Variants in KMT2C observed in about 807,000 individuals in gnomAD.
KMT2C encodes the protein histone-lysine N-methyltransferase 2C.
Under a neutral mutation model 507.9 loss-of-function variants are expected in KMT2C, and 88 were observed. That is an observed-to-expected ratio of 0.17 (90% CI 0.15 to 0.21). The LOEUF (loss-of-function observed/expected upper bound fraction) is 0.21, where lower values mean the gene tolerates loss of function less well. Ranked by LOEUF, KMT2C falls within the 10% of genes least tolerant of loss-of-function variation. KMT2C has a pLI of 1.00. For synonymous variants in KMT2C, 2,049 were observed against 2,080.8 expected, an observed-to-expected ratio of 0.98 and a Z score of 0.42; for missense variants, 4,954 against 5,957.8, an observed-to-expected ratio of 0.83 and a Z score of 5.55.
chr7:152,366,405 C>T (rs552939205), intron 1 of KMT2C, among the ~76,000 whole-genome samples: 1 of 152,158 alleles, frequency 6.6e-6, no homozygotes, highest in Admixed American at 6.5e-5. Flanking sequence ...ACTATGCAGC[C>T]TTAAAAAGGA....
chr7:152,303,634 AAATGCAGACAG>A (rs1445985379), intron 6 of KMT2C, among the ~76,000 whole-genome samples: 1 of 152,134 alleles, frequency 6.6e-6, no homozygotes, highest in Non-Finnish European at 1.5e-5. Context: ...TCACATACAC[AAATGCAGACAG>A]AATAAAAAAC....
chr7:152,375,746 G>A (rs1280187840), intron 1 of KMT2C, among the ~76,000 whole-genome samples: 1 of 151,998 alleles, frequency 6.6e-6, no homozygotes. Flanking sequence ...TCTGTGTTAC[G>A]TTTTAGTAAT....
At chr7:152,308,306 T>G (rs750112941) in intron 6 of KMT2C, among the ~76,000 whole-genome samples, 37 of 152,188 alleles carry the variant, frequency 2.4e-4, no homozygotes, top group Non-Finnish European at 3.5e-4. Context: ...AAAGCCCATA[T>G]AGTTTCTAAG....
intron 1 of KMT2C, among the ~76,000 whole-genome samples, chr7:152,433,840 AGTGTGCGCGTGCGTGTGAGTGTGCGC>A (rs1325685522): frequency 1.3e-5 from 2 of 152,274 alleles, no homozygotes; most frequent in African/African-American, 2.4e-5. Context: ...GGTGTGTGCG[AGTGTGCGCGTGCGTGTGAGTGTGCGC>A]GTGTGCGCGT....
chr7:152,397,121 GA>G (rs2116585048), intron 1 of KMT2C, among the ~76,000 whole-genome samples: 1 of 151,974 alleles, frequency 6.6e-6, no homozygotes, highest in South Asian at 2.1e-4. Flanking sequence ...CACAAATCTA[GA>G]AGACAATTTT....
Position 152,181,186 on chromosome 7 carries a change from G to T in KMT2C, c.6674C>A (p.Pro2225Gln), listed in dbSNP as rs778818239. The change falls in exon 36 of 59, where the codon CCA (proline) becomes CAA (glutamine). Residue 2225 changes from proline to glutamine, a missense_variant. By Grantham distance (76) the Pro-to-Gln change is moderately conservative. Transcript: ENST00000262189. ...AAAACCCTCTGAAATCCTTGGCCTT[G>T]GTGTTGCTGGTGGCTGAGAGTAAGG... The part of the protein sequence containing the change: ...SVPYSQPPAT[P>Q]RPRISEGFTR... 6 of 1,613,968 alleles carry T rather than the reference G, an allele frequency of 3.7e-6. No individual in the cohort carries two copies. Among genetic ancestry groups the T allele is most frequent in the South Asian group, 1.1e-5 (1 of 91,070 alleles).
chr7:152,360,388 G>C (rs1314023681), intron 1 of KMT2C, among the ~76,000 whole-genome samples: 1 of 151,670 alleles, frequency 6.6e-6, no homozygotes, highest in South Asian at 2.1e-4. Flanking sequence ...TGAGGCAGGA[G>C]AATCGCTTGA....
intron 1 of KMT2C, among the ~76,000 whole-genome samples, chr7:152,435,303 G>A (rs1268551188): frequency 6.6e-6 from 1 of 152,066 alleles, no homozygotes; most frequent in Non-Finnish European, 1.5e-5. Context: ...ATCCAGCTAG[G>A]CCAAGACGCG....
chr7:152,431,736 G>C (rs1369622189), intron 1 of KMT2C, among the ~76,000 whole-genome samples: 2 of 152,060 alleles, frequency 1.3e-5, no homozygotes, highest in African/African-American at 4.8e-5. Flanking sequence ...AAACATTTCA[G>C]TGCCTATTGA....
chr7:152,420,348 T>C (rs1487632205), intron 1 of KMT2C, among the ~76,000 whole-genome samples: 2 of 152,210 alleles, frequency 1.3e-5, no homozygotes, highest in African/African-American at 4.8e-5. Context: ...AGAATTGGGA[T>C]CCTTTGTCAC....
Position 152,150,913 on chromosome 7 carries a change from T to G in KMT2C, c.12761A>C (p.Asn4254Thr), listed in dbSNP as rs2091562128. The G allele has an allele frequency of 6.2e-7, 1 of 1,608,440 alleles. No individual in the cohort carries two copies. The highest frequency in any genetic ancestry group is 8.5e-7 in the Non-Finnish European group (1 of 1,175,288). The part of the protein sequence containing the change: ...ILYSSTAQAK[N>T]SENKESIPSL... Reference sequence around the variant, plus strand: ...TCCTAATCTCACCTTGTTTTCTGAGTTTTTCGCTTGTGCAGTTGATGAATA... The same window carrying G: ...TCCTAATCTCACCTTGTTTTCTGAGGTTTTCGCTTGTGCAGTTGATGAATA... The change falls in exon 51 of 59, where the codon AAC (asparagine) becomes ACC (threonine). Residue 4254 changes from asparagine to threonine, a missense_variant. Asn to Thr is a moderately conservative substitution (Grantham distance 65, BLOSUM62 0). Transcript: ENST00000262189.
chr7:152,399,079 T>G lies in KMT2C; in HGVS notation c.161+36547A>C, dbSNP rs2097555454. On this transcript the variant is annotated intron_variant, in intron 1 of 58. Transcript: ENST00000262189. ...CCTGAGCTCAAGCGATCCACCCACC[T>G]TGGCTTCTCAAAGTGCTGGGATTTC... Among the ~76,000 whole-genome samples, 3 of 152,092 alleles carry G rather than the reference T, an allele frequency of 2.0e-5. No individual in the cohort carries two copies. The South Asian group carries it at 6.2e-4, about 32-fold the overall frequency.
At chr7:152,178,054 TTA>T in intron 37 of KMT2C, 44 bp from the exon 38 acceptor site, 1 of 1,339,814 alleles carries the variant, frequency 7.5e-7, no homozygotes. Context: ...CAAATAGGTA[TTA>T]TGTTAAATTT....
intron 42 of KMT2C, among the ~76,000 whole-genome samples, chr7:152,166,018 T>C (rs1016787014): frequency 1.3e-5 from 2 of 152,088 alleles, no homozygotes; most frequent in Non-Finnish European, 2.9e-5. Flanking sequence ...ACCTTTACAA[T>C]GAATCAGTTT....
intron 2 of KMT2C, among the ~76,000 whole-genome samples, chr7:152,331,220 A>G (rs1434268771): frequency 6.6e-6 from 1 of 152,016 alleles, no homozygotes; most frequent in African/African-American, 2.4e-5. Flanking sequence ...AGATGGAAGG[A>G]TATGCCTTGA....
In KMT2C at chr7:152,369,160, T is replaced by C. The variant is rs188570187; in HGVS notation, c.162-10485A>G. Among the ~76,000 whole-genome samples, 1,291 of 151,978 alleles carry C rather than the reference T, an allele frequency of 8.5e-3. 7 individuals carry two copies. The highest frequency in any genetic ancestry group is 0.01 in the Non-Finnish European group (696 of 67,952). On this transcript the variant is annotated intron_variant, in intron 1 of 58. Transcript: ENST00000262189. Reference sequence around the variant, plus strand: ...CAACATGGCAAAATCCTGTCTCCACTAAAAATACAAAAGTTGGCCGGGCAT... The same window carrying C: ...CAACATGGCAAAATCCTGTCTCCACCAAAAATACAAAAGTTGGCCGGGCAT...
At chr7:152,429,646 G>T (rs1194345205) in intron 1 of KMT2C, among the ~76,000 whole-genome samples, 2 of 151,332 alleles carry the variant, frequency 1.3e-5, no homozygotes, top group Non-Finnish European at 2.9e-5. Context: ...TCAGCCTCCC[G>T]AGTCACTGGG....
Position 152,163,531 on chromosome 7 carries a change from G to C in KMT2C, c.10046C>G (p.Pro3349Arg). 6.2e-7 allele frequency: 1 copy of C among 1,611,968 alleles called. No individual in the cohort carries two copies. The highest frequency in any genetic ancestry group is 8.5e-7 in the Non-Finnish European group (1 of 1,178,490). ...CTGGGCAATTGGGGGCTGAATTCTA[G>C]GAGGATTGAGGGGCAGGTGGGCAGG... is the stretch of plus-strand genomic sequence containing the variant. ...SAPAHLPLNP[P>R]RIQPPIAQLP... The change falls in exon 43 of 59, where the codon CCT (proline) becomes CGT (arginine). Residue 3349 changes from proline to arginine, a missense_variant. Transcript: ENST00000262189.
chr7:152,429,872 A>G lies in KMT2C; in HGVS notation c.161+5754T>C, dbSNP rs549122149. On this transcript the variant is annotated intron_variant, in intron 1 of 58. Coordinates refer to ENST00000262189, the MANE Select transcript of KMT2C (RefSeq NM_170606.3). ...CAGCATATATCTACAAGCAATAGCT[A>G]TAATAAAAAAAGAAATAATCTCAGC... 1.2e-4 allele frequency among the ~76,000 whole-genome samples: 19 copies of G among 152,058 alleles called. No individual in the cohort carries two copies. In the East Asian group the frequency reaches 3.3e-3, roughly 26 times the overall value.
Sources: gnomAD v4.1 joint callset for allele counts (sites outside exome capture counted in the v4.1 genomes callset) on GRCh38, gnomAD v4.1.1 for gene constraint, MANE v1.5 for transcripts, NCBI Gene and HGNC (gene_info 2026-07-23, HGNC 2026-07-21) for gene names.